Variants in RAB23 observed in about 807,000 individuals in gnomAD.
RAB23 encodes ras-related protein Rab-23.
Under a neutral mutation model 30.0 loss-of-function variants are expected in RAB23, and 15 were observed. The observed-to-expected ratio is 0.50, with a 90% CI of 0.33 to 0.77. The LOEUF is 0.77. RAB23 is among the 30% of genes least tolerant of loss of function. RAB23 has a pLI of 0.02. For missense variants in RAB23, 243 were observed against 275.4 expected (o/e 0.88, Z 0.83); for synonymous variants, 93 against 94.0 (o/e 0.99, Z 0.06).
Position 57,188,786 on chromosome 6 carries a change from A to C in RAB23, c.*1675T>G, listed in dbSNP as rs1764715486. 6.6e-6 allele frequency: 1 copy of C among 152,208 alleles called. No individual in the cohort carries two copies. The highest frequency in any genetic ancestry group is 1.5e-5 in the Non-Finnish European group (1 of 68,030). The allele number at this position is 152,208 out of a possible 1,614,324, so 9.4% of individuals were successfully genotyped here. A position where few individuals can be genotyped will look rare whatever the true frequency, so the allele number is the denominator to read the frequency against. On this transcript the variant is annotated 3_prime_UTR_variant, in exon 7 of 7. Transcript: ENST00000468148. ...TCAATATAATGAAAAGCAAAAATTTACTTTTTAATTTTTTTTATTTTTCCA... is the reference window on the plus strand; with the variant it reads ...TCAATATAATGAAAAGCAAAAATTTCCTTTTTAATTTTTTTTATTTTTCCA...
At chr6:57,212,249 G>A (rs1765685430) in intron 1 of RAB23, among the ~76,000 whole-genome samples, 1 of 152,016 alleles carries the variant, frequency 6.6e-6, no homozygotes, top group African/African-American at 2.4e-5. Context: ...ACTTGAGTTG[G>A]GACAATTATG....
At chr6:57,218,970 C>A (rs1765952167) in intron 1 of RAB23, among the ~76,000 whole-genome samples, 1 of 152,128 alleles carries the variant, frequency 6.6e-6, no homozygotes, top group African/African-American at 2.4e-5. Flanking sequence ...TACTCCTATT[C>A]ATCATACATG....
intron 1 of RAB23, among the ~76,000 whole-genome samples, chr6:57,220,804 TC>T (rs1334639851): frequency 2.0e-4 from 31 of 151,900 alleles, no homozygotes; most frequent in African/African-American, 7.3e-4. Context: ...GTTACATGAG[TC>T]TAAAATTCGC....
intron 1 of RAB23, among the ~76,000 whole-genome samples, chr6:57,218,845 TTC>T (rs1488049087): frequency 6.7e-6 from 1 of 150,354 alleles, no homozygotes; most frequent in African/African-American, 2.4e-5. Flanking sequence ...CAGAGTGAGA[TTC>T]TGTCTCCAAA....
At position 57,187,512 on chromosome 6, in the gene RAB23, C is replaced by T. The variant is rs1593200326; in HGVS notation, c.*2949G>A. On this transcript the variant is annotated 3_prime_UTR_variant, in exon 7 of 7. Coordinates refer to ENST00000468148, the MANE Select transcript of RAB23 (RefSeq NM_016277.5). The stretch of plus-strand genomic sequence containing the variant: ...CATGTGGAACAAGCTTTCACCTCAT[C>T]AATGCATTTTGTTTTCAGAGAAACA... 1.3e-5 allele frequency: 2 copies of T among 152,228 alleles called. No individual in the cohort carries two copies. The highest frequency in any genetic ancestry group is 3.9e-4 in the East Asian group (2 of 5,184). 9.4% of individuals were successfully genotyped at this position (152,228 alleles called of 1,614,324 possible). A position where few individuals can be genotyped will look rare whatever the true frequency, so the allele number is the denominator to read the frequency against.
chr6:57,191,382 C>T (rs1013315439), intron 6 of RAB23, among the ~76,000 whole-genome samples: 1 of 152,156 alleles, frequency 6.6e-6, no homozygotes, highest in Non-Finnish European at 1.5e-5. Context: ...GCATATTCTA[C>T]ACAATGTTCT....
At position 57,187,388 on chromosome 6, in the gene RAB23, CTTA is replaced by C. The variant is rs1170580396; in HGVS notation, c.*3070_*3072del. 1.3e-5 allele frequency: 2 copies of C among 152,060 alleles called. No homozygotes were observed. Among genetic ancestry groups the C allele is most frequent in the African/African-American group, 4.8e-5 (2 of 41,394 alleles). The allele number at this position is 152,060 out of a possible 1,614,324, so 9.4% of individuals were successfully genotyped here. On this transcript the variant is annotated 3_prime_UTR_variant, in exon 7 of 7. Transcript: ENST00000468148. ...ATGAATTCATCTGTATGATGAGAGACTTACATGTTTTATAGCTGAAAACCTAAG... is the reference window on the plus strand; with the variant it reads ...ATGAATTCATCTGTATGATGAGAGACCATGTTTTATAGCTGAAAACCTAAG...
At chr6:57,192,051 C>A (rs1764860032) in intron 6 of RAB23, among the ~76,000 whole-genome samples, 1 of 151,716 alleles carries the variant, frequency 6.6e-6, no homozygotes, top group South Asian at 2.1e-4. Flanking sequence ...GCTATGTTGT[C>A]TAAGTTGGTC....
At chr6:57,195,546 C>T (rs1562650920) in intron 4 of RAB23, among the ~76,000 whole-genome samples, 1 of 152,212 alleles carries the variant, frequency 6.6e-6, no homozygotes, top group Non-Finnish European at 1.5e-5. Context: ...ATATGCAATA[C>T]AAGGGACAGT....
intron 1 of RAB23, among the ~76,000 whole-genome samples, chr6:57,210,889 T>C (rs571761010): frequency 6.6e-6 from 1 of 152,336 alleles, no homozygotes; most frequent in African/African-American, 2.4e-5. Context: ...ATTCAGAATT[T>C]AGTTAAGCAT....
rs756128993 is a variant in RAB23 at position 57,207,682 on chromosome 6, A to G, written c.187T>C (p.Trp63Arg). Residue 63 changes from tryptophan (W) to arginine (R), a missense_variant, in exon 3 of 7, where the codon TGG (tryptophan) becomes CGG (arginine). Physicochemically the swap from Trp to Arg is moderately radical, Grantham distance 101 (BLOSUM62 -3). Transcript: ENST00000468148. ...AATTCCTCCTGACCTGCAGTGTCCC[A>G]TAACATTAGTCTGACATCTTCATCA... ...VNDEDVRLML[W>R]DTAGQEEFDA... 9 of 1,604,980 alleles carry G rather than the reference A, an allele frequency of 5.6e-6. No homozygotes were observed. The highest frequency in any genetic ancestry group is 2.2e-5 in the South Asian group (2 of 90,812).
chr6:57,216,598 C>T (rs1001352670), intron 1 of RAB23, among the ~76,000 whole-genome samples: 2 of 151,936 alleles, frequency 1.3e-5, no homozygotes, highest in African/African-American at 4.8e-5. Flanking sequence ...AAGGGTGAGC[C>T]GACAGAGTGA....
chr6:57,190,627 T>C, intron 6 of RAB23, 27 bp from the exon 7 acceptor site: 1 of 1,613,134 alleles, frequency 6.2e-7, no homozygotes. Flanking sequence ...AAAAGAGTGA[T>C]TGCCACTGAC....
At chr6:57,212,123 C>T (rs1765680654) in intron 1 of RAB23, among the ~76,000 whole-genome samples, 1 of 152,232 alleles carries the variant, frequency 6.6e-6, no homozygotes, top group African/African-American at 2.4e-5. Context: ...CTGTTTAGCT[C>T]TCCCTTCATG....
chr6:57,209,822 T>C (rs887554668), intron 2 of RAB23, among the ~76,000 whole-genome samples: 2 of 152,178 alleles, frequency 1.3e-5, no homozygotes, highest in African/African-American at 4.8e-5. Context: ...CTAACTTCCA[T>C]ACAGTCTTGC....
At chr6:57,191,410 A>T (rs1034308613) in intron 6 of RAB23, among the ~76,000 whole-genome samples, 1 of 152,124 alleles carries the variant, frequency 6.6e-6, no homozygotes, top group Admixed American at 6.5e-5. Context: ...TTGACTTAAC[A>T]ATTTATCTTT....
Position 57,190,277 on chromosome 6 carries a change from A to G in RAB23, c.*184T>C. On this transcript the variant is annotated 3_prime_UTR_variant, in exon 7 of 7. Transcript: ENST00000468148. Reference sequence around the variant, plus strand: ...AATTAAAGGAGTCCACAGGGCAATAATTTTTCCACCAGAGGTCTCACTCTA... The same window carrying G: ...AATTAAAGGAGTCCACAGGGCAATAGTTTTTCCACCAGAGGTCTCACTCTA... 1 of 663,114 alleles carries G rather than the reference A, an allele frequency of 1.5e-6. No individual in the cohort carries two copies. Among genetic ancestry groups the G allele is most frequent in the South Asian group, 1.9e-5 (1 of 52,846 alleles). The allele number at this position is 663,114 out of a possible 1,614,324, so 41.1% of individuals were successfully genotyped here.
In RAB23 at chr6:57,190,590, A is replaced by G. The variant is rs1764803196; in HGVS notation, c.585T>C (p.Asn195=). The change falls in exon 7 of 7, where the codon AAT becomes AAC. Residue 195 remains asparagine (N), a synonymous_variant. Transcript: ENST00000468148. ...GACCGGAGTGACTTCCACCAGATGTATTAAAGACACCTGTATAAATTGAGG... is the reference window on the plus strand; with the variant it reads ...GACCGGAGTGACTTCCACCAGATGTGTTAAAGACACCTGTATAAATTGAGG... The part of the protein sequence containing the change: ...HSSSNKIGVF[N]TSGGSHSGQN... 6.2e-7 allele frequency: 1 copy of G among 1,614,012 alleles called. No individual in the cohort carries two copies. Among genetic ancestry groups the G allele is most frequent in the Non-Finnish European group, 8.5e-7 (1 of 1,179,870 alleles).
chr6:57,207,955 A>T (rs989069507), intron 2 of RAB23, among the ~76,000 whole-genome samples: 7 of 152,234 alleles, frequency 4.6e-5, no homozygotes, highest in Non-Finnish European at 8.8e-5. Flanking sequence ...CAAAAAACTC[A>T]TAAGCTGAAC....
Sources: allele counts gnomAD v4.1 joint callset (sites outside exome capture counted in the v4.1 genomes callset), GRCh38; gene constraint gnomAD v4.1.1; transcripts MANE v1.5; gene names NCBI Gene and HGNC (gene_info 2026-07-23, HGNC 2026-07-21).